Variants in SLC25A30 observed in about 807,000 individuals in gnomAD.
SLC25A30 encodes the protein kidney mitochondrial carrier protein 1.
Under a neutral mutation model 42.7 loss-of-function variants are expected in SLC25A30, and 29 were observed. The ratio of observed to expected loss-of-function variants is 0.68; its 90% confidence interval spans 0.51 to 0.93. SLC25A30 has a LOEUF of 0.93. Ranked by LOEUF, SLC25A30 falls within the 40% of genes least tolerant of loss-of-function variation. The pLI is 0.00. For synonymous variants in SLC25A30, 124 were observed against 131.0 expected, an observed-to-expected ratio of 0.95 and a Z score of 0.37; for missense variants, 300 against 359.7, an observed-to-expected ratio of 0.83 and a Z score of 1.34.
chr13:45,401,243 T>C (rs1881948628), intron 6 of SLC25A30, 36 bp from the exon 7 acceptor site: 1 of 1,608,516 alleles, frequency 6.2e-7, no homozygotes, highest in African/African-American at 1.3e-5. Flanking sequence ...ATGATTCTGA[T>C]ATGCCTCTGT....
chr13:45,418,049 G>A (rs1883691376), intron 1 of SLC25A30: 1 of 152,570 alleles, frequency 6.6e-6, no homozygotes, highest in Admixed American at 6.5e-5. Context: ...AACAGCGATG[G>A]GGGCCCCGCG....
chr13:45,423,474 A>C, the SLC25A30 span, among the ~76,000 whole-genome samples: 4,012 of 140,470 alleles, frequency 0.029, 200 homozygotes, highest in African/African-American at 0.1. Context: ...TTTATCCAGT[A>C]GCCTGTCTCG....
At chr13:45,396,376 G>A (rs899067003) in intron 9 of SLC25A30, 85 of 1,098,846 alleles carry the variant, frequency 7.7e-5, no homozygotes, top group Non-Finnish European at 8.8e-5. Flanking sequence ...TCTCCTCAAA[G>A]GCTTCCACTA....
At chr13:45,424,710 CATATATAAAT>C in the SLC25A30 span, among the ~76,000 whole-genome samples, 9 of 40,678 alleles carry the variant, frequency 2.2e-4, 1 homozygote, top group African/African-American at 7.3e-4. Context: ...TATATAAATA[CATATATAAAT>C]ATATATAAAT....
Position 45,393,631 on chromosome 13 carries a change from A to G in SLC25A30, c.*2343T>C. ...AAAACCCAAAGGTGGGGAGGTACTT[A>G]TAGCCAGAACCCTGACAACGAGGGG... On this transcript the variant is annotated 3_prime_UTR_variant, in exon 10 of 10. Coordinates refer to ENST00000519676, the MANE Select transcript of SLC25A30 (RefSeq NM_001010875.4). 3 of 985,464 alleles carry G rather than the reference A, an allele frequency of 3.0e-6. No homozygotes were observed. Among genetic ancestry groups the G allele is most frequent in the Non-Finnish European group, 3.6e-6 (3 of 829,940 alleles). 61.0% of individuals were successfully genotyped at this position (985,464 alleles called of 1,614,324 possible).
chr13:45,420,976 C>A (rs1005935876), upstream of SLC25A30, among the ~76,000 whole-genome samples: 1 of 151,968 alleles, frequency 6.6e-6, no homozygotes, highest in African/African-American at 2.4e-5. Context: ...TTTGTGGGGC[C>A]CCTGCAGTAA....
intron 8 of SLC25A30, chr13:45,397,844 A>C (rs2137623518): frequency 1.0e-6 from 1 of 974,580 alleles, no homozygotes; most frequent in South Asian, 4.7e-5. Flanking sequence ...CCCCACACGA[A>C]GGATTGAATG....
At position 45,395,745 on chromosome 13, in the gene SLC25A30, A is replaced by AC; in HGVS notation, c.*228dup. 2 of 1,411,788 alleles carry AC rather than the reference A, an allele frequency of 1.4e-6. No homozygotes were observed. The highest frequency in any genetic ancestry group is 2.6e-5 in the East Asian group (1 of 38,722). The allele number at this position is 1,411,788 out of a possible 1,614,324, so 87.5% of individuals were successfully genotyped here. On this transcript the variant is annotated 3_prime_UTR_variant, in exon 10 of 10. Transcript: ENST00000519676. ...CATATTATCTTTGATGTTGAAGGGC[A>AC]CTTCAGTGGTAAAGACTAGTGTTTG...
Position 45,397,250 on chromosome 13 carries a change from A to G in SLC25A30, c.834+8T>C, listed in dbSNP as rs1163568758. 9 of 1,582,566 alleles carry G rather than the reference A, an allele frequency of 5.7e-6. No individual in the cohort carries two copies. Among genetic ancestry groups the G allele is most frequent in the Non-Finnish European group, 7.8e-6 (9 of 1,153,316 alleles). On this transcript the variant is annotated splice_region_variant and intron_variant, in intron 9 of 9. Transcript: ENST00000519676. ...TTTTTTCAGATCTATTGCAACAGAA[A>G]AGGATACAATGATATTCCAAGGACC...
intron 1 of SLC25A30, 155 bp from the exon 2 acceptor site, chr13:45,411,635 C>T: frequency 1.8e-6 from 1 of 556,008 alleles, no homozygotes; most frequent in Non-Finnish European, 3.2e-6. Flanking sequence ...GCAAAGCACC[C>T]CTATTTCCTC....
At chr13:45,420,248 C>T (rs1429695278), upstream of SLC25A30, 1 of 152,184 alleles carries the variant, frequency 6.6e-6, no homozygotes, top group Non-Finnish European at 1.5e-5. Context: ...GTGTCTCCAG[C>T]TCAGGCCCCA....
chr13:45,400,031 T>TACAC (rs1457320624), intron 7 of SLC25A30, among the ~76,000 whole-genome samples: 175 of 116,966 alleles, frequency 1.5e-3, no homozygotes, highest in South Asian at 9.6e-3. Context: ...TATATATATA[T>TACAC]ATACACACAC....
At chr13:45,396,090 TG>T in intron 9 of SLC25A30, 75 bp from the exon 10 acceptor site, 3 of 1,613,638 alleles carry the variant, frequency 1.9e-6, no homozygotes, top group Non-Finnish European at 2.5e-6. Context: ...GACTTACAAA[TG>T]GCACACTTAA....
the SLC25A30 span, among the ~76,000 whole-genome samples, chr13:45,433,854 G>C: frequency 1.3e-5 from 2 of 152,138 alleles, no homozygotes; most frequent in African/African-American, 4.8e-5. Flanking sequence ...TTTCCGGAAG[G>C]AATACTTACT....
intron 6 of SLC25A30, among the ~76,000 whole-genome samples, chr13:45,401,493 C>T (rs957888698): frequency 6.6e-6 from 1 of 152,126 alleles, no homozygotes; most frequent in Non-Finnish European, 1.5e-5. Context: ...TGAGAGATCA[C>T]ACTGGATGAT....
At chr13:45,431,032 A>G in the SLC25A30 span, among the ~76,000 whole-genome samples, 20 of 151,690 alleles carry the variant, frequency 1.3e-4, no homozygotes, top group South Asian at 4.2e-3. Flanking sequence ...CGACAATTGC[A>G]CGCTTCTTTT....
the SLC25A30 span, among the ~76,000 whole-genome samples, chr13:45,424,926 ATATATAAATATT>A: frequency 7.4e-5 from 5 of 67,718 alleles, no homozygotes; most frequent in Admixed American, 5.3e-4. Context: ...ATATATATAA[ATATATAAATATT>A]TAAATAAATA....
chr13:45,402,005 A>G (rs1451035616), intron 6 of SLC25A30, among the ~76,000 whole-genome samples: 1 of 146,820 alleles, frequency 6.8e-6, no homozygotes, highest in Non-Finnish European at 1.5e-5. Flanking sequence ...GGTTGCAGTG[A>G]GCCAAGATCG....
chr13:45,423,775 T>C, the SLC25A30 span, among the ~76,000 whole-genome samples: 1 of 58,548 alleles, frequency 1.7e-5, no homozygotes, highest in Admixed American at 3.3e-4. Flanking sequence ...TAAAAATATA[T>C]AAATATATAA....
Sources: gnomAD v4.1 joint callset for allele counts (sites outside exome capture counted in the v4.1 genomes callset) on GRCh38, gnomAD v4.1.1 for gene constraint, MANE v1.5 for transcripts, NCBI Gene and HGNC (gene_info 2026-07-23, HGNC 2026-07-21) for gene names.